Variants in DCC observed in about 807,000 individuals in gnomAD.
DCC encodes the protein DCC netrin 1 receptor.
Under a neutral mutation model 172.5 loss-of-function variants are expected in DCC, and 58 were observed. The ratio of observed to expected loss-of-function variants is 0.34; its 90% CI spans 0.27 to 0.42. The LOEUF is 0.42. Ranked by LOEUF, DCC falls within the 10% of genes least tolerant of loss-of-function variation. DCC has a pLI of 1.00. For synonymous variants in DCC, 709 were observed against 644.5 expected (o/e 1.10, Z -1.52); for missense variants, 1,740 against 1,791.0 (o/e 0.97, Z 0.51).
chr18:53,283,299 G>C (rs2056894573), intron 12 of DCC, among the ~76,000 whole-genome samples: 1 of 152,066 alleles, frequency 6.6e-6, no homozygotes, highest in African/African-American at 2.4e-5. Flanking sequence ...GTTGCCTTCT[G>C]TTTGGCTATA....
chr18:52,843,806 G>C (rs1050874509), intron 2 of DCC, among the ~76,000 whole-genome samples: 2 of 152,110 alleles, frequency 1.3e-5, no homozygotes, highest in African/African-American at 4.8e-5. Flanking sequence ...CAGATTGCTA[G>C]AACACATATT....
intron 1 of DCC, among the ~76,000 whole-genome samples, chr18:52,510,107 C>T (rs2031379707): frequency 7.1e-6 from 1 of 141,542 alleles, no homozygotes; most frequent in South Asian, 2.3e-4. Flanking sequence ...TCTGTCCCCC[C>T]TGCATCCCCT....
chr18:52,879,549 CAGAGCTGGT>C (rs202222701), intron 2 of DCC, among the ~76,000 whole-genome samples: 2,288 of 151,186 alleles, frequency 0.015, 42 homozygotes, highest in African/African-American at 0.039. Flanking sequence ...TCAGCCTCCT[CAGAGCTGGT>C]AGAGCTGGTA....
chr18:53,185,417 C>T (rs2055265050), intron 9 of DCC, among the ~76,000 whole-genome samples: 1 of 151,994 alleles, frequency 6.6e-6, no homozygotes, highest in African/African-American at 2.4e-5. Flanking sequence ...CTACAGTTTC[C>T]AGTACAGTAA....
chr18:53,421,951 A>G (rs1327451110), intron 21 of DCC, among the ~76,000 whole-genome samples: 1 of 152,132 alleles, frequency 6.6e-6, no homozygotes, highest in Non-Finnish European at 1.5e-5. Context: ...ACAGATGTAG[A>G]AAAAGAGACA....
At chr18:52,949,822 C>T (rs916228123) in intron 5 of DCC, among the ~76,000 whole-genome samples, 2 of 152,142 alleles carry the variant, frequency 1.3e-5, no homozygotes, top group Non-Finnish European at 2.9e-5. Flanking sequence ...AAGGTTTGGG[C>T]ACATGTAAAT....
At chr18:52,923,682 A>T in intron 3 of DCC, 25 bp from the exon 4 acceptor site, 1 of 1,557,178 alleles carries the variant, frequency 6.4e-7, no homozygotes, top group Non-Finnish European at 8.9e-7. Context: ...CATATATCAT[A>T]TGATACTGTG....
chr18:53,200,977 A>G (rs2055528183), intron 9 of DCC, among the ~76,000 whole-genome samples: 1 of 152,012 alleles, frequency 6.6e-6, no homozygotes, highest in South Asian at 2.1e-4. Context: ...TTTGCCACCT[A>G]CTATGCATGT....
chr18:52,954,301 G>GC (rs2040706099), intron 5 of DCC, among the ~76,000 whole-genome samples: 1 of 150,394 alleles, frequency 6.6e-6, no homozygotes, highest in Non-Finnish European at 1.5e-5. Flanking sequence ...AATATCACTA[G>GC]TTTTTTTTTC....
At chr18:53,368,466 T>G (rs2058028472) in intron 15 of DCC, among the ~76,000 whole-genome samples, 1 of 113,960 alleles carries the variant, frequency 8.8e-6, no homozygotes, top group Non-Finnish European at 2.1e-5. Flanking sequence ...TGCCTATTTT[T>G]CCTTTTGTTA....
At chr18:52,409,310 T>C (rs79815046) in intron 1 of DCC, 1 of 152,068 alleles carries the variant, frequency 6.6e-6, no homozygotes. Context: ...TGATTCAGAG[T>C]AGACTGCAGA....
At chr18:53,392,994 C>T (rs565189671) in intron 17 of DCC, among the ~76,000 whole-genome samples, 1 of 152,306 alleles carries the variant, frequency 6.6e-6, no homozygotes, top group South Asian at 2.1e-4. Flanking sequence ...CTGTCTTCTT[C>T]CTACTCCTTT....
chr18:52,804,566 TGTTA>T (rs1289564395), intron 2 of DCC, among the ~76,000 whole-genome samples: 1 of 152,112 alleles, frequency 6.6e-6, no homozygotes. Flanking sequence ...TTTTTGTTGT[TGTTA>T]GTTTGTTTTG....
intron 21 of DCC, among the ~76,000 whole-genome samples, chr18:53,434,815 GT>G (rs1242835746): frequency 6.6e-6 from 1 of 152,116 alleles, no homozygotes; most frequent in Non-Finnish European, 1.5e-5. Context: ...GTTCTAAAAG[GT>G]TCAGGAGAAT....
intron 19 of DCC, among the ~76,000 whole-genome samples, chr18:53,404,566 C>A (rs143728321): frequency 6.6e-6 from 1 of 151,674 alleles, no homozygotes; most frequent in Non-Finnish European, 1.5e-5. Flanking sequence ...CCTGTCTCTA[C>A]TAAAAATACG....
At chr18:52,781,553 A>C (rs1238487875) in intron 2 of DCC, among the ~76,000 whole-genome samples, 1 of 152,188 alleles carries the variant, frequency 6.6e-6, no homozygotes, top group Admixed American at 6.5e-5. Flanking sequence ...GAGTAAAAAG[A>C]GTGCCTCTAA....
intron 5 of DCC, among the ~76,000 whole-genome samples, chr18:52,950,486 GAGAGATAT>G (rs761629313): frequency 2.0e-5 from 3 of 152,166 alleles, no homozygotes; most frequent in Non-Finnish European, 4.4e-5. Context: ...CTTTGGACAA[GAGAGATAT>G]AGATTATATA....
intron 12 of DCC, among the ~76,000 whole-genome samples, chr18:53,298,726 AT>A (rs2057098942): frequency 6.6e-6 from 1 of 151,940 alleles, no homozygotes; most frequent in African/African-American, 2.4e-5. Context: ...GCCCTCCTTG[AT>A]TTTCCAAGGG....
At chr18:53,520,531 A>G (rs900953712) in intron 27 of DCC, among the ~76,000 whole-genome samples, 1 of 152,080 alleles carries the variant, frequency 6.6e-6, no homozygotes, top group African/African-American at 2.4e-5. Context: ...AGAGATGCAG[A>G]CCAGAAAATC....
Sources: allele counts gnomAD v4.1 joint callset (sites outside exome capture counted in the v4.1 genomes callset), GRCh38; gene constraint gnomAD v4.1.1; transcripts MANE v1.5; gene names NCBI Gene and HGNC (gene_info 2026-07-23, HGNC 2026-07-21).